ITPRID1: variants seen among roughly 807,000 people sequenced by gnomAD.
ITPRID1 encodes the protein protein ITPRID1.
Under a neutral mutation model 95.4 loss-of-function variants are expected in ITPRID1, and 96 were observed. The observed-to-expected ratio is 1.01, with a 90% CI of 0.85 to 1.19. The LOEUF (loss-of-function observed/expected upper bound fraction) is 1.19. Among genes scored for constraint, ITPRID1 ranks in the 50% most tolerant of loss-of-function variants. The probability of loss-of-function intolerance (pLI) is 0.00; values close to 1 mark genes in which losing one functional copy is unlikely to be tolerated. For missense variants in ITPRID1, 1,339 were observed against 1,252.9 expected (o/e 1.07, Z -1.04); for synonymous variants, 510 against 453.6 (o/e 1.12, Z -1.58).
At chr7:31,524,460 C>G (rs1783362767) in intron 1 of ITPRID1, among the ~76,000 whole-genome samples, 1 of 152,308 alleles carries the variant, frequency 6.6e-6, no homozygotes, top group East Asian at 1.9e-4. Context: ...CATTTTGAGT[C>G]ATGATTAGTG....
chr7:31,547,842 A>C (rs927981484), intron 1 of ITPRID1, among the ~76,000 whole-genome samples: 1 of 152,158 alleles, frequency 6.6e-6, no homozygotes, highest in Non-Finnish European at 1.5e-5. Context: ...CAAAATGTGT[A>C]TAGACATTCA....
At chr7:31,526,179 T>C (rs528931061) in intron 1 of ITPRID1, among the ~76,000 whole-genome samples, 26 of 152,358 alleles carry the variant, frequency 1.7e-4, no homozygotes, top group Middle Eastern at 3.4e-3. Flanking sequence ...CTGAGAGAGA[T>C]TCTGATATCT....
At chr7:31,601,372 G>A (rs1583558062) in intron 10 of ITPRID1, among the ~76,000 whole-genome samples, 1 of 152,074 alleles carries the variant, frequency 6.6e-6, no homozygotes, top group African/African-American at 2.4e-5. Flanking sequence ...GCCACTGCAC[G>A]GATAAGGAAA....
At chr7:31,527,638 G>A (rs1453272009) in intron 1 of ITPRID1, among the ~76,000 whole-genome samples, 2 of 152,020 alleles carry the variant, frequency 1.3e-5, no homozygotes, top group Non-Finnish European at 2.9e-5. Flanking sequence ...ATCGCACATA[G>A]ACTCTGTAAT....
rs1791283266 is a variant in ITPRID1, at chr7:31,655,932, A to G, written c.*3103A>G. 6.1e-6 allele frequency: 6 copies of G among 985,226 alleles called. No individual in the cohort carries two copies. Among genetic ancestry groups the G allele is most frequent in the Non-Finnish European group, 7.2e-6 (6 of 829,900 alleles). 61.0% of individuals were successfully genotyped at this position (985,226 alleles called of 1,614,324 possible). A position where few individuals can be genotyped will look rare whatever the true frequency, so the allele number is the denominator to read the frequency against. ...GGCAGCCATCTGCTTTACCAGTCTC[A>G]TTTCCTGCTCATCCCTCAGATGAAT... is the stretch of plus-strand genomic sequence containing the variant. On this transcript the variant is annotated 3_prime_UTR_variant, in exon 15 of 15. Coordinates refer to ENST00000615280, the MANE Select transcript of ITPRID1 (RefSeq NM_001257967.3).
At chr7:31,592,278 C>T (rs191699831) in intron 10 of ITPRID1, among the ~76,000 whole-genome samples, 25 of 152,332 alleles carry the variant, frequency 1.6e-4, no homozygotes, top group East Asian at 1.5e-3. Flanking sequence ...AATCTAGCAA[C>T]TGCCAACTAT....
At chr7:31,526,926 C>T (rs1049536077) in intron 1 of ITPRID1, among the ~76,000 whole-genome samples, 1 of 152,166 alleles carries the variant, frequency 6.6e-6, no homozygotes, top group African/African-American at 2.4e-5. Flanking sequence ...GATCATGTCA[C>T]TTCCCACTGC....
intron 10 of ITPRID1, among the ~76,000 whole-genome samples, chr7:31,631,786 A>G (rs893099278): frequency 2.0e-5 from 3 of 152,240 alleles, no homozygotes; most frequent in Non-Finnish European, 4.4e-5. Context: ...AGAAATCTTC[A>G]TAGGATAGAG....
At chr7:31,611,030 C>A (rs1273587716) in intron 10 of ITPRID1, among the ~76,000 whole-genome samples, 1 of 150,714 alleles carries the variant, frequency 6.6e-6, no homozygotes, top group East Asian at 1.9e-4. Context: ...TCTTTTTATT[C>A]TTCTATTCCA....
chr7:31,546,137 A>C (rs149963798), intron 1 of ITPRID1, among the ~76,000 whole-genome samples: 1 of 152,274 alleles, frequency 6.6e-6, no homozygotes, highest in Admixed American at 6.5e-5. Flanking sequence ...ATGCAAAAAG[A>C]AATTACATTC....
Position 31,643,549 on chromosome 7 carries a change from G to A in ITPRID1, c.2179G>A (p.Gly727Arg). 6.2e-7 allele frequency: 1 copy of A among 1,614,028 alleles called. No homozygotes were observed. Among genetic ancestry groups the A allele is most frequent in the Non-Finnish European group, 8.5e-7 (1 of 1,179,904 alleles). Reference sequence around the variant, plus strand: ...GGCTGCTCAGAGGGCTGTGGCCTTGGGGACTGGTCCCAGAGGAACATCTTT... The same window carrying A: ...GGCTGCTCAGAGGGCTGTGGCCTTGAGGACTGGTCCCAGAGGAACATCTTT... The part of the protein sequence containing the change: ...VSAAQRAVAL[G>R]TGPRGTSLEC... The change falls in exon 12 of 15, where the codon GGG becomes AGG. Residue 727 changes from glycine to arginine, a missense_variant. By Grantham distance (125) the Gly-to-Arg change is moderately radical (BLOSUM62 -2). Coordinates refer to ENST00000615280, the MANE Select transcript of ITPRID1 (RefSeq NM_001257967.3).
chr7:31,575,489 C>T (rs1288125913), intron 8 of ITPRID1, among the ~76,000 whole-genome samples: 1 of 152,156 alleles, frequency 6.6e-6, no homozygotes, highest in East Asian at 1.9e-4. Flanking sequence ...CTGTACTGTG[C>T]TCAAAACAGT....
intron 10 of ITPRID1, among the ~76,000 whole-genome samples, chr7:31,601,049 C>T (rs542771779): frequency 9.7e-4 from 147 of 152,164 alleles, no homozygotes; most frequent in Middle Eastern, 6.8e-3. Context: ...CCTCCTGAGT[C>T]GACCTTAAGA....
chr7:31,523,690 C>T (rs1039233703), intron 1 of ITPRID1, among the ~76,000 whole-genome samples: 1 of 152,174 alleles, frequency 6.6e-6, no homozygotes, highest in Admixed American at 6.5e-5. Context: ...TTTGCTTTTA[C>T]TACCTGCTCT....
rs569164074 is a variant in ITPRID1 at position 31,594,354 on chromosome 7, T to C, written c.1228+11163T>C. Among the ~76,000 whole-genome samples, 133 of 152,324 alleles carry C rather than the reference T, an allele frequency of 8.7e-4. 1 individual carries two copies. The highest frequency in any genetic ancestry group is 1.0e-4 in the Non-Finnish European group (7 of 68,016). ...TTAAGTAACAGATGGTTGTATAATA[T>C]TTCTACTGGGGGAAAGGCATGCACA... On this transcript the variant is annotated intron_variant, in intron 10 of 14. Transcript: ENST00000615280.
intron 5 of ITPRID1, among the ~76,000 whole-genome samples, chr7:31,569,212 G>A (rs1338421978): frequency 2.0e-5 from 3 of 152,114 alleles, no homozygotes; most frequent in Non-Finnish European, 4.4e-5. Flanking sequence ...TAATTTTAAG[G>A]CTGTTGGAAG....
chr7:31,620,665 C>T, intron 10 of ITPRID1, among the ~76,000 whole-genome samples: 2 of 150,326 alleles, frequency 1.3e-5, no homozygotes, highest in African/African-American at 2.4e-5. Flanking sequence ...GGGGAAAAAA[C>T]AGAACAGAAA....
At chr7:31,553,989 T>C (rs1784369181) in intron 3 of ITPRID1, among the ~76,000 whole-genome samples, 1 of 152,148 alleles carries the variant, frequency 6.6e-6, no homozygotes, top group African/African-American at 2.4e-5. Context: ...TCTAGTGCAA[T>C]TTGTCCCTGG....
chr7:31,626,689 C>G (rs75012783), intron 10 of ITPRID1, among the ~76,000 whole-genome samples: 1,678 of 152,270 alleles, frequency 0.011, 14 homozygotes, highest in Non-Finnish European at 0.016. Context: ...CCTAAAGGGA[C>G]TTAGTTTTAA....
Sources: gnomAD v4.1 joint callset for allele counts (sites outside exome capture counted in the v4.1 genomes callset) on GRCh38, gnomAD v4.1.1 for gene constraint, MANE v1.5 for transcripts, NCBI Gene and HGNC (gene_info 2026-07-23, HGNC 2026-07-21) for gene names.